PRRT4: variants seen among roughly 807,000 people sequenced by gnomAD.
PRRT4 encodes the protein proline rich transmembrane protein 4.
Under a neutral mutation model 55.6 loss-of-function variants are expected in PRRT4, and 59 were observed. The ratio of observed to expected loss-of-function variants is 1.06; its 90% CI spans 0.86 to 1.32. The LOEUF (loss-of-function observed/expected upper bound fraction) is 1.32, where lower values mean the gene tolerates loss of function less well. Ranked by LOEUF, PRRT4 falls within the 40% of genes most tolerant of loss-of-function variation. The probability of loss-of-function intolerance (pLI) is 0.00; values close to 1 mark genes in which losing one functional copy is unlikely to be tolerated. For synonymous variants in PRRT4, 606 were observed against 601.8 expected, an observed-to-expected ratio of 1.01 and a Z score of -0.10; for missense variants, 1,217 against 1,222.0, an observed-to-expected ratio of 1.00 and a Z score of 0.06.
At chr7:128,351,937 G>T (rs938665057) in exon 5 of PRRT4, 9 of 1,294,380 alleles carry the variant, frequency 7.0e-6, no homozygotes, top group Non-Finnish European at 7.8e-6. Flanking sequence ...CTGCGGCAGG[G>T]GTGTGGCGCC....
chr7:128,360,026 G>T lies in PRRT4; in HGVS notation c.-35C>A. On this transcript the variant is annotated 5_prime_UTR_variant, in exon 2 of 5. In the 5' UTR this introduces an upstream ATG that the reference lacks. Coordinates refer to ENST00000535159, the Ensembl canonical transcript of PRRT4. ...TGGCTTCGGGTGGCCTTGGTGGGCA[G>T]GGACTCAGTTGTTCAGCAGCTTTTG... The T allele has an allele frequency of 7.7e-7, 1 of 1,302,238 alleles. No individual in the cohort carries two copies. Among genetic ancestry groups the T allele is most frequent in the South Asian group, 2.6e-5 (1 of 37,770 alleles). The allele number at this position is 1,302,238 out of a possible 1,614,324, so 80.7% of individuals were successfully genotyped here. A position where few individuals can be genotyped will look rare whatever the true frequency, so the allele number is the denominator to read the frequency against.
rs1381432629 is a variant in PRRT4, at chr7:128,358,781, C to G, written c.777G>C (p.Leu259=). ...TCTCCAGGGAGTATGGGGGCAGGGA[C>G]AGAGTGGTACCAAGGAACCCTGCAA... Residue 259 remains leucine (L), a synonymous_variant, in exon 4 of 5, where the codon CTG becomes CTC. Coordinates refer to ENST00000535159, the Ensembl canonical transcript of PRRT4. The surrounding 1 kb of genome is among the most constrained non-coding windows in gnomAD (Gnocchi z 4.4). 8 of 1,547,422 alleles carry G rather than the reference C, an allele frequency of 5.2e-6. No homozygotes were observed. Among genetic ancestry groups the G allele is most frequent in the Non-Finnish European group, 7.0e-6 (8 of 1,145,478 alleles).
At chr7:128,353,084 T>C (rs1797037040) in intron 4 of PRRT4, among the ~76,000 whole-genome samples, 1 of 152,150 alleles carries the variant, frequency 6.6e-6, no homozygotes, top group Non-Finnish European at 1.5e-5. Context: ...TTTGTTTCTT[T>C]GCTCACATCT....
intron 4 of PRRT4, among the ~76,000 whole-genome samples, chr7:128,354,084 T>C (rs1318845232): frequency 1.3e-5 from 2 of 152,064 alleles, no homozygotes; most frequent in East Asian, 3.9e-4. Flanking sequence ...TGGCGAAGGA[T>C]GTGGACAGCC....
chr7:128,350,898 C>A, exon 5 of PRRT4: 1 of 1,550,952 alleles, frequency 6.4e-7, no homozygotes, highest in Non-Finnish European at 8.7e-7. Flanking sequence ...GCTCGTCGAT[C>A]TGTCGGCAGG....
exon 5 of PRRT4, chr7:128,351,899 A>T (rs1796986013): frequency 7.6e-7 from 1 of 1,322,248 alleles, no homozygotes; most frequent in South Asian, 2.2e-5. Flanking sequence ...CGCCGCCAGG[A>T]CTCCCGAGGG....
chr7:128,352,188 G>A, exon 5 of PRRT4: 2 of 1,471,426 alleles, frequency 1.4e-6, no homozygotes, highest in Non-Finnish European at 1.8e-6. Flanking sequence ...GGCGCGGCCG[G>A]GCCAGCAGCA....
At chr7:128,359,977 G>A (rs1797210234) in exon 2 of PRRT4, 1 of 1,326,490 alleles carries the variant, frequency 7.5e-7, no homozygotes, top group Admixed American at 3.7e-5. Context: ...GCCCTAGACA[G>A]CCATGCCTGG....
exon 5 of PRRT4, chr7:128,352,471 G>T (rs1312879191): frequency 1.3e-6 from 2 of 1,539,982 alleles, no homozygotes; most frequent in Non-Finnish European, 1.7e-6. Context: ...GGCCTCCCAG[G>T]CCAGCCCCCA....
At chr7:128,350,650 C>G, downstream of PRRT4, 3 of 753,780 alleles carry the variant, frequency 4.0e-6, no homozygotes, top group Non-Finnish European at 6.3e-6. Context: ...AGGGCATCAG[C>G]ACCCAGGGCT....
At chr7:128,359,651 C>T in exon 2 of PRRT4, 3 of 1,548,202 alleles carry the variant, frequency 1.9e-6, no homozygotes, top group Non-Finnish European at 2.6e-6. Flanking sequence ...TTCGGTGGAG[C>T]CCCACTCAGT....
downstream of PRRT4, chr7:128,350,810 G>A (rs1386683887): frequency 2.5e-5 from 39 of 1,542,042 alleles, no homozygotes; most frequent in Non-Finnish European, 3.1e-5. Context: ...GGGCAGGGCA[G>A]GCGCCAGAAA....
intron 4 of PRRT4, 97 bp from the exon 6 acceptor site, chr7:128,352,775 G>T: frequency 1.7e-6 from 2 of 1,204,694 alleles, no homozygotes; most frequent in Non-Finnish European, 2.3e-6. Flanking sequence ...GTCCCCTACC[G>T]TATCCAGGAC....
chr7:128,352,246 TGCA>T, exon 5 of PRRT4: 1 of 1,541,372 alleles, frequency 6.5e-7, no homozygotes, highest in South Asian at 1.2e-5. Flanking sequence ...CGGAAGGTCC[TGCA>T]GCAGCAGCCA....
At chr7:128,352,055 G>T in exon 5 of PRRT4, 1 of 1,231,412 alleles carries the variant, frequency 8.1e-7, no homozygotes, top group South Asian at 3.0e-5. Context: ...AAGGCGTGCA[G>T]CCCGCGCGAG....
intron 4 of PRRT4, among the ~76,000 whole-genome samples, chr7:128,353,943 G>A (rs1007172115): frequency 4.6e-5 from 7 of 152,198 alleles, no homozygotes; most frequent in East Asian, 1.9e-4. Context: ...GAAGAGTTGG[G>A]TAGAGTTAGA....
At chr7:128,350,832 C>G, downstream of PRRT4, 1 of 1,547,986 alleles carries the variant, frequency 6.5e-7, no homozygotes, top group South Asian at 1.2e-5. Flanking sequence ...GGGCATATCG[C>G]AGGGTAGCAA....
chr7:128,360,637 G>A (rs926104051), intron 1 of PRRT4, among the ~76,000 whole-genome samples: 1 of 152,138 alleles, frequency 6.6e-6, no homozygotes, highest in East Asian at 1.9e-4. Flanking sequence ...GAGAAGCAAG[G>A]TTCCCAATCT....
In PRRT4 at chr7:128,359,550, G is replaced by A. The variant is rs1287612864; in HGVS notation, c.442C>T (p.Pro148Ser). ...TCCCAGGTCACAGTGCTCCTCCTGG[G>A]CTGATAGGGGGCAGTGGGCCCATCG... The change falls in exon 2 of 5, where the codon CCC becomes TCC. Residue 148 changes from proline to serine, a missense_variant. Transcript: ENST00000535159. The A allele has an allele frequency of 1.3e-6, 2 of 1,491,162 alleles. No homozygotes were observed. The allele number at this position is 1,491,162 out of a possible 1,614,324, so 92.4% of individuals were successfully genotyped here.
Sources: gnomAD v4.1 joint callset for allele counts (sites outside exome capture counted in the v4.1 genomes callset) on GRCh38, gnomAD v4.1.1 for gene constraint, Gnocchi (gnomAD v3.1) non-coding constraint, MANE v1.5 for transcripts, NCBI Gene and HGNC (gene_info 2026-07-23, HGNC 2026-07-21) for gene names.